CSMD1: variants seen among roughly 807,000 people sequenced by gnomAD.
The protein encoded by CSMD1 is CUB and Sushi multiple domains 1, also known as CUB and sushi domain-containing protein 1.
CSMD1 carries 213 observed loss-of-function variants against 417.5 expected under a neutral mutation model. That is an observed-to-expected ratio of 0.51 (90% CI 0.46 to 0.57). The LOEUF (loss-of-function observed/expected upper bound fraction) is 0.57. CSMD1 is among the 20% of genes least tolerant of loss of function. The probability of loss-of-function intolerance (pLI) is 0.00; values close to 1 mark genes in which losing one functional copy is unlikely to be tolerated. For synonymous variants in CSMD1, 2,862 were observed against 1,736.8 expected, an observed-to-expected ratio of 1.65 and a Z score of -16.11; for missense variants, 6,923 against 4,529.7, an observed-to-expected ratio of 1.53 and a Z score of -15.17.
At chr8:4,641,488 T>A (rs1324435151) in intron 1 of CSMD1, among the ~76,000 whole-genome samples, 1 of 152,174 alleles carries the variant, frequency 6.6e-6, no homozygotes, top group Admixed American at 6.5e-5. Context: ...GTTTTCAAAC[T>A]ACATTTTCAC....
In CSMD1 at chr8:4,594,195, C is replaced by CTTTTTTTTTTTTTTTTTTT. The variant is rs771415822; in HGVS notation, c.302+43128_302+43146dup. Among the ~76,000 whole-genome samples the CTTTTTTTTTTTTTTTTTTT allele has an allele frequency of 3.2e-5, 3 of 92,374 alleles. 1 individual carries two copies. Among genetic ancestry groups the CTTTTTTTTTTTTTTTTTTT allele is most frequent in the African/African-American group, 8.6e-5 (2 of 23,256 alleles). The allele number at this position is 92,374 out of a possible 152,430, so 60.6% of individuals were successfully genotyped here. A position where few individuals can be genotyped will look rare whatever the true frequency, so the allele number is the denominator to read the frequency against. On this transcript the variant is annotated intron_variant, in intron 2 of 69. Transcript: ENST00000635120. ...TTAACTTGATTAATTCTAAAGTGAT[C>CTTTTTTTTTTTTTTTTTTT]TTTTTTTTTTTTTTTTTTTTTTCTC...
chr8:4,395,463 G>A (rs1296140667), intron 3 of CSMD1, among the ~76,000 whole-genome samples: 1 of 151,246 alleles, frequency 6.6e-6, no homozygotes, highest in African/African-American at 2.4e-5. Context: ...ATAGCAGCAA[G>A]ATTACTGTTT....
chr8:3,565,328 G>C (rs1478976371), intron 10 of CSMD1, among the ~76,000 whole-genome samples: 1 of 148,430 alleles, frequency 6.7e-6, no homozygotes, highest in African/African-American at 2.6e-5. Flanking sequence ...AAAGTGAACA[G>C]GGCAGTTGGT....
intron 1 of CSMD1, among the ~76,000 whole-genome samples, chr8:4,855,079 A>C (rs1801712849): frequency 6.6e-6 from 1 of 152,072 alleles, no homozygotes; most frequent in Non-Finnish European, 1.5e-5. Context: ...GAACGGGCAG[A>C]CTGCCTCCTC....
intron 3 of CSMD1, among the ~76,000 whole-genome samples, chr8:4,201,736 A>C (rs753259895): frequency 6.6e-6 from 1 of 152,092 alleles, no homozygotes; most frequent in Non-Finnish European, 1.5e-5. Context: ...GAAAAACATG[A>C]TGATTGGATA....
intron 33 of CSMD1, among the ~76,000 whole-genome samples, chr8:3,191,279 A>G (rs1435033917): frequency 2.0e-5 from 3 of 151,792 alleles, no homozygotes; most frequent in Non-Finnish European, 4.4e-5. Context: ...AACAGGTGAA[A>G]CCCCCGTCTC....
At chr8:4,177,613 A>T (rs1382716818) in intron 3 of CSMD1, among the ~76,000 whole-genome samples, 2 of 149,796 alleles carry the variant, frequency 1.3e-5, no homozygotes, top group Non-Finnish European at 3.0e-5. Context: ...GATGCAAATA[A>T]CCCTTCAAAA....
At chr8:4,747,050 A>G (rs1015878267) in intron 1 of CSMD1, among the ~76,000 whole-genome samples, 3 of 152,174 alleles carry the variant, frequency 2.0e-5, no homozygotes, top group Non-Finnish European at 4.4e-5. Context: ...CCTCCCCACC[A>G]GAATGGATCA....
At chr8:4,302,529 G>C (rs1356059528) in intron 3 of CSMD1, among the ~76,000 whole-genome samples, 1 of 152,092 alleles carries the variant, frequency 6.6e-6, no homozygotes, top group African/African-American at 2.4e-5. Flanking sequence ...TAGGAAGTCA[G>C]ATTAAGAGAC....
chr8:3,343,403 A>T lies in CSMD1; in HGVS notation c.3522T>A (p.Thr1174=). 1 of 1,613,838 alleles carries T rather than the reference A, an allele frequency of 6.2e-7. No homozygotes were observed. Among genetic ancestry groups the T allele is most frequent in the South Asian group, 1.1e-5 (1 of 91,086 alleles). ...GGATCAGCCCCAGAAGTTCATTTTT[A>T]GTGAACGTGCCCAGTGGACGTGAGG... ...DSSSRPLGTF[T]KNELLGLILN... The change falls in exon 23 of 70, where the codon ACT becomes ACA. Residue 1174 remains threonine, a synonymous_variant. Coordinates refer to ENST00000635120, the MANE Select transcript of CSMD1 (RefSeq NM_033225.6).
At chr8:3,230,481 G>A (rs1224273167) in intron 26 of CSMD1, among the ~76,000 whole-genome samples, 1 of 142,376 alleles carries the variant, frequency 7.0e-6, no homozygotes, top group Non-Finnish European at 1.6e-5. Context: ...ATATATCAAG[G>A]GTTTTTTTAA....
chr8:3,079,143 C>G (rs1039291934), intron 49 of CSMD1, among the ~76,000 whole-genome samples: 1 of 152,150 alleles, frequency 6.6e-6, no homozygotes. Flanking sequence ...CCTTTCAAAT[C>G]CCCTAAGATT....
At chr8:4,014,863 A>G (rs943653446) in intron 4 of CSMD1, among the ~76,000 whole-genome samples, 2 of 152,168 alleles carry the variant, frequency 1.3e-5, no homozygotes, top group East Asian at 1.9e-4. Context: ...TAGAAATACT[A>G]CAAAGTAACC....
intron 5 of CSMD1, among the ~76,000 whole-genome samples, chr8:3,931,493 TA>T: frequency 6.7e-6 from 1 of 150,328 alleles, no homozygotes; most frequent in Non-Finnish European, 1.5e-5. Flanking sequence ...TTAAAAGGCA[TA>T]AAAGCTCATA....
intron 3 of CSMD1, among the ~76,000 whole-genome samples, chr8:4,299,460 T>A (rs777321913): frequency 4.6e-5 from 7 of 152,180 alleles, no homozygotes; most frequent in Non-Finnish European, 8.8e-5. Context: ...AGTAATTGGT[T>A]CTTTAATTCA....
At chr8:4,039,408 A>G (rs1032187321) in intron 3 of CSMD1, among the ~76,000 whole-genome samples, 7 of 152,222 alleles carry the variant, frequency 4.6e-5, no homozygotes, top group Non-Finnish European at 7.3e-5. Context: ...ATCTGGTTAT[A>G]TAATTTTCAG....
chr8:3,269,287 C>T (rs1397892519), intron 26 of CSMD1, among the ~76,000 whole-genome samples: 6 of 152,214 alleles, frequency 3.9e-5, no homozygotes, highest in Non-Finnish European at 1.5e-5. Context: ...AGTTCTCTGC[C>T]AGTCCCATGA....
At chr8:3,508,957 G>C (rs1014991027) in intron 10 of CSMD1, among the ~76,000 whole-genome samples, 5 of 152,170 alleles carry the variant, frequency 3.3e-5, no homozygotes, top group African/African-American at 9.7e-5. Flanking sequence ...CTCATGCTTA[G>C]TATTTCTGAG....
chr8:3,578,139 G>A (rs191787192), intron 9 of CSMD1, among the ~76,000 whole-genome samples: 11 of 152,232 alleles, frequency 7.2e-5, no homozygotes, highest in East Asian at 1.9e-4. Context: ...TCTTCCCTCC[G>A]TCAGCTTCCA....
Sources: gnomAD v4.1 joint callset for allele counts (sites outside exome capture counted in the v4.1 genomes callset) on GRCh38, gnomAD v4.1.1 for gene constraint, MANE v1.5 for transcripts, NCBI Gene and HGNC (gene_info 2026-07-23, HGNC 2026-07-21) for gene names.